TRIP11: variants seen among roughly 807,000 people sequenced by gnomAD.
TRIP11 encodes the protein thyroid hormone receptor interactor 11.
A neutral mutation model predicts 223.1 loss-of-function variants in TRIP11; 148 were observed. The observed-to-expected ratio is 0.66, with a 90% CI of 0.58 to 0.76. The LOEUF is 0.76. TRIP11 is among the 30% of genes least tolerant of loss of function. The probability of loss-of-function intolerance (pLI) is 0.00; values close to 1 mark genes in which losing one functional copy is unlikely to be tolerated. For synonymous variants in TRIP11, 762 were observed against 772.6 expected (o/e 0.99, Z 0.23); for missense variants, 2,043 against 2,222.0 (o/e 0.92, Z 1.62).
At chr14:92,014,075 C>T in intron 7 of TRIP11, 140 bp downstream of exon 7, 1 of 1,241,284 alleles carries the variant, frequency 8.1e-7, no homozygotes, top group South Asian at 1.4e-5. Flanking sequence ...CCAAACCACA[C>T]AATTCTACCC....
At chr14:91,970,451 C>G (rs2056388031) in intron 20 of TRIP11, among the ~76,000 whole-genome samples, 1 of 151,736 alleles carries the variant, frequency 6.6e-6, no homozygotes, top group Non-Finnish European at 1.5e-5. Flanking sequence ...AAAATGAAAG[C>G]ACAAACAGGC....
At chr14:91,986,616 T>C (rs1029146426) in intron 16 of TRIP11, among the ~76,000 whole-genome samples, 7 of 152,222 alleles carry the variant, frequency 4.6e-5, no homozygotes, top group South Asian at 2.1e-4. Flanking sequence ...TAAAAGAGGA[T>C]GTGGCCTTAG....
chr14:92,009,130 A>T (rs2056940968), intron 9 of TRIP11, among the ~76,000 whole-genome samples: 2 of 152,232 alleles, frequency 1.3e-5, no homozygotes, highest in African/African-American at 4.8e-5. Context: ...AAATTAGGAG[A>T]ATCACAGACA....
At chr14:92,038,106 T>C (rs913013857) in intron 1 of TRIP11, among the ~76,000 whole-genome samples, 1 of 151,922 alleles carries the variant, frequency 6.6e-6, no homozygotes. Flanking sequence ...CATGACCAAC[T>C]GGAAGTAGGA....
rs2056372448 is a variant in TRIP11 at position 91,969,338 on chromosome 14, A to T, written c.*335T>A. ...TAAACCACAATCTCTAGCTTAAATG[A>T]GCTTGGAAATCACAAAAGGAAATAA... On this transcript the variant is annotated 3_prime_UTR_variant, in exon 21 of 21. Coordinates refer to ENST00000267622, the MANE Select transcript of TRIP11 (RefSeq NM_004239.4). The T allele has an allele frequency of 8.3e-6, 3 of 360,380 alleles. No individual in the cohort carries two copies. The highest frequency in any genetic ancestry group is 1.5e-5 in the Non-Finnish European group (3 of 194,738). The allele number at this position is 360,380 out of a possible 1,614,324, so 22.3% of individuals were successfully genotyped here. A position where few individuals can be genotyped will look rare whatever the true frequency, so the allele number is the denominator to read the frequency against.
At chr14:91,989,873 G>A (rs753899059) in intron 15 of TRIP11, among the ~76,000 whole-genome samples, 77 of 152,116 alleles carry the variant, frequency 5.1e-4, no homozygotes, top group African/African-American at 1.2e-3. Context: ...TCTTTGGACC[G>A]CAGGTTCCGC....
rs2057010657 is a variant in TRIP11, at chr14:92,014,420, A to T, written c.981T>A (p.Asn327Lys). 1 of 1,611,022 alleles carries T rather than the reference A, an allele frequency of 6.2e-7. No individual in the cohort carries two copies. Among genetic ancestry groups the T allele is most frequent in the Admixed American group, 1.7e-5 (1 of 59,978 alleles). The change falls in exon 7 of 21, where the codon AAT (asparagine) becomes AAA (lysine). Residue 327 changes from asparagine to lysine, a missense_variant. Physicochemically the swap from Asn to Lys is moderately conservative, Grantham distance 94. Coordinates refer to ENST00000267622, the MANE Select transcript of TRIP11 (RefSeq NM_004239.4). ...GTTCTCTCCTCAAAATATCTCTGTC[A>T]TTTTCTGCAGAAGATAATTTTTTAT... The part of the protein sequence containing the change: ...DINKKLSSAE[N>K]DRDILRREQE...
intron 1 of TRIP11, among the ~76,000 whole-genome samples, chr14:92,034,637 T>C (rs1211464388): frequency 6.6e-6 from 1 of 152,162 alleles, no homozygotes; most frequent in Non-Finnish European, 1.5e-5. Context: ...GTTTTCTACA[T>C]TTTCATCTTT....
Position 92,004,485 on chromosome 14 carries a change from C to A in TRIP11, c.3491G>T (p.Arg1164Leu). The A allele has an allele frequency of 6.2e-7, 1 of 1,613,384 alleles. No homozygotes were observed. Among genetic ancestry groups the A allele is most frequent in the South Asian group, 1.1e-5 (1 of 91,080 alleles). ...MFRETIQNLS[R>L]IIREKDIEID... ...TTCGATGTCTTTTTCTCGAATGATACGTGATAAATTCTGAATAGTTTCTCT... is the reference window on the plus strand; with the variant it reads ...TTCGATGTCTTTTTCTCGAATGATAAGTGATAAATTCTGAATAGTTTCTCT... Residue 1164 changes from arginine (R) to leucine (L), a missense_variant, in exon 11 of 21, where the codon CGT (arginine) becomes CTT (leucine). Transcript: ENST00000267622.
chr14:92,026,444 C>A, intron 2 of TRIP11: 1 of 650,262 alleles, frequency 1.5e-6, no homozygotes, highest in South Asian at 1.6e-5. Flanking sequence ...CTCTGAAAAG[C>A]CATCTTTGCA....
At chr14:92,015,885 T>C (rs1419765787) in intron 5 of TRIP11, 24 bp from the exon 6 acceptor site, 1 of 1,576,128 alleles carries the variant, frequency 6.3e-7, no homozygotes, top group Non-Finnish European at 8.6e-7. Context: ...AACAAAGTTA[T>C]TCACATTTAT....
intron 16 of TRIP11, among the ~76,000 whole-genome samples, chr14:91,986,108 C>T (rs2056601123): frequency 6.6e-6 from 1 of 152,174 alleles, no homozygotes. Flanking sequence ...GTTATACAAG[C>T]ATAATCAGAG....
intron 2 of TRIP11, 80 bp downstream of exon 2, chr14:92,033,112 A>C: frequency 9.0e-7 from 1 of 1,106,982 alleles, no homozygotes; most frequent in Non-Finnish European, 1.4e-6. Flanking sequence ...TACATTTAAA[A>C]AGAAAGGATC....
chr14:92,021,394 A>G (rs571130111), intron 4 of TRIP11, among the ~76,000 whole-genome samples, 162 bp downstream of exon 4: 1 of 152,040 alleles, frequency 6.6e-6, no homozygotes, highest in Admixed American at 6.5e-5. Flanking sequence ...GTCTCAAAAA[A>G]AAAAAAAAAA....
At chr14:92,000,572 TA>T (rs2140111797) in intron 11 of TRIP11, among the ~76,000 whole-genome samples, 1 of 152,342 alleles carries the variant, frequency 6.6e-6, no homozygotes, top group Non-Finnish European at 1.5e-5. Flanking sequence ...TCTATAAATT[TA>T]AAACTATTCT....
intron 16 of TRIP11, among the ~76,000 whole-genome samples, chr14:91,979,038 C>T (rs1330647288): frequency 6.6e-6 from 1 of 152,070 alleles, no homozygotes; most frequent in Non-Finnish European, 1.5e-5. Context: ...AAGCATATTG[C>T]TTGAGCTCAG....
At chr14:91,986,385 G>A (rs2056604509) in intron 16 of TRIP11, among the ~76,000 whole-genome samples, 1 of 152,094 alleles carries the variant, frequency 6.6e-6, no homozygotes. Flanking sequence ...TACTGGCTGA[G>A]CATCCCTAAT....
Position 92,025,433 on chromosome 14 carries a change from A to G in TRIP11, c.202-13T>C, listed in dbSNP as rs763883385. The stretch of plus-strand genomic sequence containing the variant: ...TAAGCCTTTCATTCTAGAAAAAAAA[A>G]GTATTTTCAACAAAAAGACTGCAAG... On this transcript the variant is annotated splice_polypyrimidine_tract_variant and intron_variant, in intron 2 of 20. Coordinates refer to ENST00000267622, the MANE Select transcript of TRIP11 (RefSeq NM_004239.4). 6.3e-7 allele frequency: 1 copy of G among 1,592,996 alleles called. No individual in the cohort carries two copies. Among genetic ancestry groups the G allele is most frequent in the South Asian group, 1.1e-5 (1 of 90,624 alleles).
intron 11 of TRIP11, 90 bp downstream of exon 11, chr14:92,003,329 T>C: frequency 6.6e-7 from 1 of 1,508,998 alleles, no homozygotes; most frequent in Non-Finnish European, 9.1e-7. Context: ...AAATGCACAG[T>C]CCCCTTCAAA....
Sources: gnomAD v4.1 joint callset for allele counts (sites outside exome capture counted in the v4.1 genomes callset) on GRCh38, gnomAD v4.1.1 for gene constraint, MANE v1.5 for transcripts, NCBI Gene and HGNC (gene_info 2026-07-23, HGNC 2026-07-21) for gene names.